Variants in SOS2 observed in about 807,000 individuals in gnomAD.
SOS2 encodes SOS Ras/Rho guanine nucleotide exchange factor 2, also known as son of sevenless homolog 2.
In SOS2, 65 loss-of-function variants were observed where a neutral mutation model predicts 148.2. That is an observed-to-expected ratio of 0.44 (90% CI 0.36 to 0.54). SOS2 has a LOEUF of 0.54. SOS2 is among the 20% of genes least tolerant of loss of function. The pLI is 0.00. For synonymous variants in SOS2, 539 were observed against 537.1 expected (o/e 1.00, Z -0.05); for missense variants, 1,341 against 1,590.2 (o/e 0.84, Z 2.67).
intron 6 of SOS2, 123 bp downstream of exon 6, chr14:50,182,340 C>T (rs1885771265): frequency 2.3e-6 from 2 of 856,052 alleles, no homozygotes; most frequent in South Asian, 3.1e-5. Flanking sequence ...ACTACCATGC[C>T]TGGATAATTA....
chr14:50,157,439 A>C (rs925383335), intron 11 of SOS2, among the ~76,000 whole-genome samples: 1 of 152,202 alleles, frequency 6.6e-6, no homozygotes. Context: ...AATGTCTTTA[A>C]TATTTATATT....
intron 1 of SOS2, chr14:50,215,475 T>C (rs1488300438): frequency 8.0e-7 from 1 of 1,243,556 alleles, no homozygotes; most frequent in Admixed American, 3.2e-5. Context: ...CAGAACCAAT[T>C]TGCCTATCAT....
chr14:50,173,456 C>T (rs1259162046), intron 8 of SOS2, among the ~76,000 whole-genome samples: 1 of 152,038 alleles, frequency 6.6e-6, no homozygotes, highest in African/African-American at 2.4e-5. Flanking sequence ...GAGTCTCGCT[C>T]TGTCGCCCAG....
chr14:50,214,183 T>G (rs1347352588), intron 1 of SOS2, among the ~76,000 whole-genome samples: 1 of 151,910 alleles, frequency 6.6e-6, no homozygotes, highest in Non-Finnish European at 1.5e-5. Context: ...AACTAATTGA[T>G]AAAGAAAAAT....
At chr14:50,158,857 T>A (rs755496571) in intron 10 of SOS2, among the ~76,000 whole-genome samples, 29 of 152,114 alleles carry the variant, frequency 1.9e-4, no homozygotes, top group Admixed American at 5.2e-4. Flanking sequence ...CTATGGTATA[T>A]CCTTAATAAG....
intron 5 of SOS2, among the ~76,000 whole-genome samples, chr14:50,182,846 C>T (rs1885786398): frequency 6.6e-6 from 1 of 152,200 alleles, no homozygotes. Context: ...TAAGCCCCAA[C>T]TTTGGGGCTT....
intron 7 of SOS2, among the ~76,000 whole-genome samples, chr14:50,178,721 TACACAC>T (rs60850219): frequency 0.029 from 3,812 of 133,182 alleles, 158 homozygotes; most frequent in Middle Eastern, 0.038. Flanking sequence ...TACACACATA[TACACAC>T]ACATATATAT....
chr14:50,167,970 C>T lies in SOS2; in HGVS notation c.1069-6361G>A, dbSNP rs188652658. 1.1e-4 allele frequency among the ~76,000 whole-genome samples: 16 copies of T among 152,218 alleles called. No individual in the cohort carries two copies. The East Asian group carries it at 3.1e-3, about 29-fold the overall frequency. On this transcript the variant is annotated intron_variant, in intron 8 of 22. Transcript: ENST00000216373. ...AAAGTAAAAGGTAAAAAAATATTACCTATAAACTCAATTGTTTCATATTGA... is the reference window on the plus strand; with the variant it reads ...AAAGTAAAAGGTAAAAAAATATTACTTATAAACTCAATTGTTTCATATTGA...
chr14:50,215,087 C>T (rs1213081140), intron 1 of SOS2, among the ~76,000 whole-genome samples: 1 of 151,808 alleles, frequency 6.6e-6, no homozygotes, highest in South Asian at 2.1e-4. Context: ...CTGCCCGCCT[C>T]GTCCTCCCAA....
At chr14:50,188,729 AT>A (rs762454749) in intron 4 of SOS2, 29 bp from the exon 5 acceptor site, 12 of 1,446,886 alleles carry the variant, frequency 8.3e-6, no homozygotes, top group Non-Finnish European at 1.1e-5. Flanking sequence ...TAATGTATAA[AT>A]TTATTTTCTT....
rs772043913 is a variant in SOS2, at chr14:50,118,702, T to A, written c.3641A>T (p.Asp1214Val). ...CCGAAGGGGAACTGGTGGAGGGGTA[T>A]CAGGAAGAGGATCTCTTGGTGGTGG... is the stretch of plus-strand genomic sequence containing the variant. ...PPPPPRDPLP[D>V]TPPPVPLRPP... The change falls in exon 23 of 23, where the codon GAT becomes GTT. Residue 1214 changes from aspartate to valine, a missense_variant. Physicochemically the swap from Asp to Val is radical, Grantham distance 152. This residue lies in a region of SOS2 where 354 missense variants were observed against 347.7 expected (regional missense o/e 1.02). Coordinates refer to ENST00000216373, the MANE Select transcript of SOS2 (RefSeq NM_006939.4). 5.0e-6 allele frequency: 8 copies of A among 1,612,962 alleles called. No homozygotes were observed. In the African/African-American group the frequency reaches 9.4e-5, roughly 19 times the overall value.
intron 4 of SOS2, among the ~76,000 whole-genome samples, chr14:50,197,689 CT>C (rs35121759): frequency 0.54 from 67,069 of 125,258 alleles, 16,662 homozygotes; most frequent in East Asian, 0.6. Flanking sequence ...GCTTTACCAC[CT>C]TTTTTTTTTT....
chr14:50,203,300 T>C (rs1186038983), intron 2 of SOS2, among the ~76,000 whole-genome samples: 1 of 151,990 alleles, frequency 6.6e-6, no homozygotes, highest in Non-Finnish European at 1.5e-5. Context: ...CCTGGGTAGC[T>C]GAGGTTGCAG....
intron 19 of SOS2, among the ~76,000 whole-genome samples, chr14:50,132,239 A>G (rs1348822167): frequency 6.6e-6 from 1 of 151,924 alleles, no homozygotes; most frequent in Non-Finnish European, 1.5e-5. Context: ...AAGGTTGGCC[A>G]AGCACAGTGG....
chr14:50,210,832 C>T (rs1384268320), intron 1 of SOS2, among the ~76,000 whole-genome samples: 3 of 151,918 alleles, frequency 2.0e-5, no homozygotes, highest in Admixed American at 6.6e-5. Context: ...GTAAATTAAA[C>T]GACCATGAAA....
At chr14:50,201,532 G>GAAAAAAAAAA (rs11342999) in intron 2 of SOS2, among the ~76,000 whole-genome samples, 1 of 90,566 alleles carries the variant, frequency 1.1e-5, no homozygotes. Context: ...ACCCCCAACA[G>GAAAAAAAAAA]AAAAAAAAAA....
intron 4 of SOS2, 97 bp downstream of exon 4, chr14:50,199,594 A>T: frequency 5.9e-6 from 4 of 672,348 alleles, no homozygotes; most frequent in Non-Finnish European, 9.5e-6. Context: ...ACTAGCAATT[A>T]TAAAGATTAC....
chr14:50,132,388 T>C (rs1038263704), intron 19 of SOS2, among the ~76,000 whole-genome samples: 2 of 131,944 alleles, frequency 1.5e-5, no homozygotes, highest in African/African-American at 2.9e-5. Flanking sequence ...AGGCTGGGCA[T>C]GGTGGCTCAC....
chr14:50,201,159 T>A, intron 2 of SOS2, 75 bp from the exon 3 acceptor site: 1 of 1,321,182 alleles, frequency 7.6e-7, no homozygotes, highest in South Asian at 1.2e-5. Flanking sequence ...AAAATTCAAC[T>A]TGATCTCTAT....
Sources: allele counts gnomAD v4.1 joint callset (sites outside exome capture counted in the v4.1 genomes callset), GRCh38; gene constraint gnomAD v4.1.1; regional missense constraint gnomAD v4.1.1; transcripts MANE v1.5; gene names NCBI Gene and HGNC (gene_info 2026-07-23, HGNC 2026-07-21).